Variants in DIP2C observed in about 807,000 individuals in gnomAD.
DIP2C encodes the protein disco-interacting protein 2 homolog C.
DIP2C carries 33 observed loss-of-function variants against 192.4 expected under a neutral mutation model. That is an observed-to-expected ratio of 0.17 (90% CI 0.13 to 0.23). The LOEUF (loss-of-function observed/expected upper bound fraction) is 0.23. DIP2C is among the 10% of genes least tolerant of loss of function. The pLI is 1.00. For missense variants in DIP2C, 1,537 were observed against 2,110.1 expected (o/e 0.73, Z 5.32); for synonymous variants, 979 against 864.1 (o/e 1.13, Z -2.33).
In DIP2C at chr10:427,319, C is replaced by T. The variant is rs1589771154; in HGVS notation, c.395-4286G>A. On this transcript the variant is annotated intron_variant, in intron 4 of 36. Transcript: ENST00000280886. ...AGGACGTTCTTGATTACAGTGGGTC[C>T]ACCTGCTTAAACCAGGATAGTGGTC... Among the ~76,000 whole-genome samples the T allele has an allele frequency of 2.0e-5, 3 of 152,180 alleles. No individual in the cohort carries two copies. The East Asian group carries it at 5.8e-4, about 29-fold the overall frequency.
At chr10:554,420 A>C (rs1246269125) in intron 1 of DIP2C, among the ~76,000 whole-genome samples, 2 of 152,234 alleles carry the variant, frequency 1.3e-5, no homozygotes, top group African/African-American at 4.8e-5. Context: ...TATTGTTTAG[A>C]TCTTGCTTGA....
chr10:391,799 A>G (rs1360770208), intron 10 of DIP2C, among the ~76,000 whole-genome samples: 1 of 152,206 alleles, frequency 6.6e-6, no homozygotes, highest in East Asian at 1.9e-4. Context: ...CAGTAATCAG[A>G]GGCCTGGCTG....
chr10:606,753 AAG>A (rs1353265205), intron 1 of DIP2C, among the ~76,000 whole-genome samples: 6 of 152,176 alleles, frequency 3.9e-5, no homozygotes, highest in Non-Finnish European at 5.9e-5. Context: ...ACCCCTCTTA[AAG>A]AACGTTTCTA....
intron 1 of DIP2C, among the ~76,000 whole-genome samples, chr10:578,978 A>G (rs1188434909): frequency 6.6e-6 from 1 of 152,170 alleles, no homozygotes; most frequent in African/African-American, 2.4e-5. Flanking sequence ...AGATCCATGT[A>G]GTGTACATAT....
rs1844246854 is a variant in DIP2C at position 489,236 on chromosome 10, G to A, written c.86-2706C>T. 3.3e-5 allele frequency among the ~76,000 whole-genome samples: 5 copies of A among 152,282 alleles called. 1 individual carries two copies. In the South Asian group the frequency reaches 1.0e-3, roughly 32 times the overall value. On this transcript the variant is annotated intron_variant, in intron 1 of 36. Transcript: ENST00000280886. ...CTGCCTCAGCATCTGGTAGACAGAG[G>A]TCCACCAGATTCCCATGATAGACTC...
intron 1 of DIP2C, among the ~76,000 whole-genome samples, chr10:656,487 C>T (rs1417010365): frequency 2.0e-5 from 3 of 152,176 alleles, no homozygotes; most frequent in Non-Finnish European, 4.4e-5. Flanking sequence ...TTACCCAGTG[C>T]GGTATTCAAA....
chr10:635,886 C>T lies in DIP2C; in HGVS notation c.85+53608G>A, dbSNP rs544045001. 1.5e-4 allele frequency among the ~76,000 whole-genome samples: 23 copies of T among 152,324 alleles called. No individual in the cohort carries two copies. In the East Asian group the frequency reaches 3.5e-3, roughly 23 times the overall value. ...AGTTACTTCCAGCCCAGAGGCTCAA[C>T]GGGGTCCTCGGTGGTGACACTTAAC... is the stretch of plus-strand genomic sequence containing the variant. On this transcript the variant is annotated intron_variant, in intron 1 of 36. Transcript: ENST00000280886.
intron 1 of DIP2C, among the ~76,000 whole-genome samples, chr10:583,848 T>C (rs888166583): frequency 6.6e-6 from 1 of 152,152 alleles, no homozygotes; most frequent in African/African-American, 2.4e-5. Context: ...ATGGAAGACC[T>C]GAGGGCCCAC....
chr10:523,863 G>A (rs1846887949), intron 1 of DIP2C, among the ~76,000 whole-genome samples: 1 of 152,198 alleles, frequency 6.6e-6, no homozygotes, highest in African/African-American at 2.4e-5. Flanking sequence ...AAAGAACCCT[G>A]TGACTCTGTC....
Position 506,149 on chromosome 10 carries a change from G to A in DIP2C, c.86-19619C>T, listed in dbSNP as rs542562046. On this transcript the variant is annotated intron_variant, in intron 1 of 36. Coordinates refer to ENST00000280886, the MANE Select transcript of DIP2C (RefSeq NM_014974.3). ...ATGCTTCCCATGCTCGTTACCCTTCGGAAGACACATTTAAATAACCTTGAC... is the reference window on the plus strand; with the variant it reads ...ATGCTTCCCATGCTCGTTACCCTTCAGAAGACACATTTAAATAACCTTGAC... Among the ~76,000 whole-genome samples the A allele has an allele frequency of 1.2e-4, 19 of 152,172 alleles. 1 individual carries two copies. Among genetic ancestry groups the A allele is most frequent in the South Asian group, 4.1e-4 (2 of 4,828 alleles).
At chr10:352,576 C>T (rs934780270) in intron 24 of DIP2C, among the ~76,000 whole-genome samples, 6 of 152,178 alleles carry the variant, frequency 3.9e-5, no homozygotes, top group African/African-American at 1.4e-4. Context: ...CACAGCCGGT[C>T]GGACATGAGC....
chr10:568,207 C>T (rs976001886), intron 1 of DIP2C, among the ~76,000 whole-genome samples: 8 of 152,144 alleles, frequency 5.3e-5, no homozygotes, highest in African/African-American at 1.9e-4. Context: ...CCAGGGGTAG[C>T]GAGTTCACAC....
chr10:655,683 T>C (rs1026236431), intron 1 of DIP2C, among the ~76,000 whole-genome samples: 6 of 152,194 alleles, frequency 3.9e-5, no homozygotes, highest in African/African-American at 7.2e-5. Context: ...TACTACGTTG[T>C]TAGTTCAACT....
At chr10:293,595 T>C (rs1955596479) in intron 32 of DIP2C, among the ~76,000 whole-genome samples, 1 of 152,188 alleles carries the variant, frequency 6.6e-6, no homozygotes, top group Non-Finnish European at 1.5e-5. Context: ...TGTGACTGAG[T>C]CTAGTCTGCA....
Position 651,587 on chromosome 10 carries a change from C to A in DIP2C, c.85+37907G>T. 1 of 382,054 alleles carries A rather than the reference C, an allele frequency of 2.6e-6. No individual in the cohort carries two copies. The allele number at this position is 382,054 out of a possible 1,614,324, so 23.7% of individuals were successfully genotyped here. A position where few individuals can be genotyped will look rare whatever the true frequency, so the allele number is the denominator to read the frequency against. ...AAATGTTGTTAAGCAGTATTTCCCCCAAAAGGTGCATCTTTTATAAAACAA... is the reference window on the plus strand; with the variant it reads ...AAATGTTGTTAAGCAGTATTTCCCCAAAAAGGTGCATCTTTTATAAAACAA... On this transcript the variant is annotated intron_variant, in intron 1 of 36. Coordinates refer to ENST00000280886, the MANE Select transcript of DIP2C (RefSeq NM_014974.3). The surrounding 1 kb of genome is among the most constrained non-coding windows in gnomAD (Gnocchi z 4.1).
chr10:434,447 C>CT (rs553423907), intron 4 of DIP2C, among the ~76,000 whole-genome samples: 152 of 152,112 alleles, frequency 1.0e-3, no homozygotes, highest in African/African-American at 1.9e-3. Context: ...CCATGTTTGG[C>CT]TTTTTTTAAG....
rs539129431 is a variant in DIP2C, at chr10:581,469, A to G, written c.86-94939T>C. On this transcript the variant is annotated intron_variant, in intron 1 of 36. Transcript: ENST00000280886. ...AAAAATGTACTTAGAGGTTTTTTTT[A>G]AAGTTATATTTGAAGATTTTTAAGT... Among the ~76,000 whole-genome samples, 91 of 152,286 alleles carry G rather than the reference A, an allele frequency of 6.0e-4. No individual in the cohort carries two copies. In the East Asian group the frequency reaches 0.013, roughly 21 times the overall value.
At chr10:657,901 C>T (rs1856483967) in intron 1 of DIP2C, among the ~76,000 whole-genome samples, 1 of 152,236 alleles carries the variant, frequency 6.6e-6, no homozygotes, top group East Asian at 1.9e-4. Flanking sequence ...GGACCTGCCG[C>T]TGGACCTGCC....
At chr10:567,886 C>T (rs816626) in intron 1 of DIP2C, among the ~76,000 whole-genome samples, 43,015 of 152,066 alleles carry the variant, frequency 0.28, 9,537 homozygotes, top group African/African-American at 0.62. Context: ...CACCCCAGCT[C>T]CCCAAAGCAC....
Sources: allele counts gnomAD v4.1 joint callset (sites outside exome capture counted in the v4.1 genomes callset), GRCh38; gene constraint gnomAD v4.1.1; non-coding constraint Gnocchi (gnomAD v3.1); transcripts MANE v1.5; gene names NCBI Gene and HGNC (gene_info 2026-07-23, HGNC 2026-07-21).